The following ATP2B4 variants were observed in gnomAD, a reference collection of about 807,000 sequenced individuals.
ATP2B4 encodes ATPase plasma membrane Ca2+ transporting 4.
In ATP2B4, 39 loss-of-function variants were observed where a neutral mutation model predicts 110.3. The observed-to-expected ratio is 0.35, with a 90% CI of 0.27 to 0.46. ATP2B4 has a LOEUF of 0.46. Ranked by LOEUF, ATP2B4 falls within the 20% of genes least tolerant of loss-of-function variation. ATP2B4 has a pLI of 1.00. For missense variants in ATP2B4, 1,135 were observed against 1,530.9 expected (o/e 0.74, Z 4.32); for synonymous variants, 538 against 571.7 (o/e 0.94, Z 0.84).
chr1:203,709,479 T>A lies in ATP2B4; in HGVS notation c.1736T>A (p.Ile579Asn). ...GTGCGCAAGTCAATGAGCACCGTCA[T>A]CAGGAATCCCAACGGTGGCTTCCGT... The part of the protein sequence containing the change: ...NSVRKSMSTV[I>N]RNPNGGFRMY... The change falls in exon 11 of 21, where the codon ATC (isoleucine) becomes AAC (asparagine). Residue 579 changes from isoleucine (I) to asparagine (N), a missense_variant. Around this residue, in one of 9 missense-constraint regions of ATP2B4, gnomAD observed 368 missense variants for 455.9 expected, o/e 0.81. Transcript: ENST00000357681. 6.2e-7 allele frequency: 1 copy of A among 1,614,154 alleles called. No homozygotes were observed. The highest frequency in any genetic ancestry group is 1.1e-5 in the South Asian group (1 of 91,082).
intron 2 of ATP2B4, among the ~76,000 whole-genome samples, chr1:203,684,114 C>A (rs2102363135): frequency 6.6e-6 from 1 of 151,890 alleles, no homozygotes; most frequent in South Asian, 2.1e-4. Context: ...TAATTTAATT[C>A]TTCCCTACAC....
intron 1 of ATP2B4, among the ~76,000 whole-genome samples, chr1:203,648,468 C>T (rs1053643427): frequency 6.6e-6 from 1 of 152,110 alleles, no homozygotes; most frequent in Admixed American, 6.6e-5. Flanking sequence ...CCACTTGACA[C>T]CCCTTGGCAG....
rs1208703994 is a variant in ATP2B4, at chr1:203,710,958, C to T, written c.1881C>T (p.Ile627=). The T allele has an allele frequency of 9.3e-6, 15 of 1,613,934 alleles. No homozygotes were observed. The highest frequency in any genetic ancestry group is 2.2e-5 in the East Asian group (1 of 44,882). ...GAGATGATATGGTACGCACTGTCAT[C>T]GAGCCCATGGCCTGTGATGGACTCC... ...KDRDDMVRTV[I]EPMACDGLRT... is the part of the protein sequence containing the mutation. Residue 627 remains isoleucine, a synonymous_variant, in exon 12 of 21, where the codon ATC becomes ATT. Transcript: ENST00000357681.
intron 1 of ATP2B4, among the ~76,000 whole-genome samples, chr1:203,656,263 GC>G: frequency 6.6e-6 from 1 of 152,108 alleles, no homozygotes; most frequent in Non-Finnish European, 1.5e-5. Flanking sequence ...CTTAGCTGGA[GC>G]TGCTTAAACT....
At chr1:203,634,621 A>G (rs968995419) in intron 1 of ATP2B4, among the ~76,000 whole-genome samples, 1 of 152,230 alleles carries the variant, frequency 6.6e-6, no homozygotes, top group Non-Finnish European at 1.5e-5. Flanking sequence ...TGCTAAAACA[A>G]CATCATAGAC....
rs780656400 is a variant in ATP2B4 at position 203,683,438 on chromosome 1, G to A, written c.193+40G>A. ...AGGGGTGGGGAGTTGGAGGAAGGTG[G>A]CTAGTGTTTCAAAATATTGTTTTCC... On this transcript the variant is annotated intron_variant, in intron 2 of 20. Transcript: ENST00000357681. The A allele has an allele frequency of 2.0e-6, 3 of 1,529,044 alleles. No individual in the cohort carries two copies. In the East Asian group the frequency reaches 7.0e-5, roughly 36 times the overall value. 94.7% of individuals were successfully genotyped at this position (1,529,044 alleles called of 1,614,324 possible).
chr1:203,708,178 C>T, intron 10 of ATP2B4, 74 bp downstream of exon 10: 1 of 1,583,846 alleles, frequency 6.3e-7, no homozygotes, highest in South Asian at 1.1e-5. Flanking sequence ...GAAATGAACC[C>T]CCTTATTGTT....
At chr1:203,725,904 C>CTTTTTTTTTTTTTTTTTTTTT (rs756184004) in intron 19 of ATP2B4, among the ~76,000 whole-genome samples, 3 of 93,368 alleles carry the variant, frequency 3.2e-5, no homozygotes, top group African/African-American at 4.5e-5. Flanking sequence ...CTTTTCTTTT[C>CTTTTTTTTTTTTTTTTTTTTT]TTTTTTTTTT....
At chr1:203,670,732 A>G (rs1038816645) in intron 1 of ATP2B4, among the ~76,000 whole-genome samples, 2 of 152,148 alleles carry the variant, frequency 1.3e-5, no homozygotes, top group African/African-American at 4.8e-5. Context: ...ACTGATTTTT[A>G]TCCCAAGTTC....
At chr1:203,649,858 GC>G (rs1427094293) in intron 1 of ATP2B4, among the ~76,000 whole-genome samples, 1 of 152,124 alleles carries the variant, frequency 6.6e-6, no homozygotes, top group Non-Finnish European at 1.5e-5. Flanking sequence ...AAACTCCACA[GC>G]CCCCACTCGT....
rs1666625291 is a variant in ATP2B4 at position 203,729,470 on chromosome 1, G to A, written c.3309+1899G>A. The A allele has an allele frequency of 2.5e-5, 9 of 364,518 alleles. No individual in the cohort carries two copies. The East Asian group carries it at 5.9e-4, about 24-fold the overall frequency. The allele number at this position is 364,518 out of a possible 1,614,324, so 22.6% of individuals were successfully genotyped here. On this transcript the variant is annotated intron_variant, in intron 20 of 20. Coordinates refer to ENST00000357681, the MANE Select transcript of ATP2B4 (RefSeq NM_001684.5). ...TGAGGCAGGAGAATCGCTTGAACCC[G>A]GAAGGCTGAGGTTGCAGTGAGCTGA...
Position 203,700,740 on chromosome 1 carries a change from A to G in ATP2B4, c.776-58A>G, listed in dbSNP as rs1665666492. ...TTCTTCTAAGTTTGTGTTTCATACC[A>G]AATCATGTCTAGGTATTAAAAAACC... is the stretch of plus-strand genomic sequence containing the variant. On this transcript the variant is annotated intron_variant, in intron 5 of 20. Coordinates refer to ENST00000357681, the MANE Select transcript of ATP2B4 (RefSeq NM_001684.5). 8.7e-6 allele frequency: 14 copies of G among 1,601,066 alleles called. No individual in the cohort carries two copies. The South Asian group carries it at 1.4e-4, about 16-fold the overall frequency.
intron 20 of ATP2B4, among the ~76,000 whole-genome samples, chr1:203,729,362 T>C (rs1463447494): frequency 6.6e-6 from 1 of 151,778 alleles, no homozygotes; most frequent in Admixed American, 6.6e-5. Flanking sequence ...CTGGCCAACA[T>C]AGTGAAACCT....
At chr1:203,698,107 C>A in intron 2 of ATP2B4, 50 bp from the exon 3 acceptor site, 1 of 1,574,918 alleles carries the variant, frequency 6.3e-7, no homozygotes, top group South Asian at 1.1e-5. Flanking sequence ...TGCCTTTTAT[C>A]ATTTTCCTTT....
Position 203,727,523 on chromosome 1 carries a change from C to T in ATP2B4, c.3261C>T (p.Arg1087=), listed in dbSNP as rs150942273. ...TTGACCATGCTGAGATGGAGCTGCG[C>T]CGAGGCCAGATCCTCTGGTTCCGGG... The part of the protein sequence containing the change: ...DEIDHAEMEL[R]RGQILWFRGL... Residue 1087 remains arginine, a synonymous_variant, in exon 20 of 21, where the codon CGC becomes CGT. Coordinates refer to ENST00000357681, the MANE Select transcript of ATP2B4 (RefSeq NM_001684.5). The T allele has an allele frequency of 8.1e-6, 13 of 1,614,054 alleles. No homozygotes were observed. In the African/African-American group the frequency reaches 1.6e-4, roughly 20 times the overall value.
Position 203,739,927 on chromosome 1 carries a change from TG to T in ATP2B4, c.*76del. The T allele has an allele frequency of 6.8e-7, 1 of 1,481,192 alleles. No homozygotes were observed. The highest frequency in any genetic ancestry group is 1.3e-5 in the South Asian group (1 of 74,906). The allele number at this position is 1,481,192 out of a possible 1,614,324, so 91.8% of individuals were successfully genotyped here. A position where few individuals can be genotyped will look rare whatever the true frequency, so the allele number is the denominator to read the frequency against. On this transcript the variant is annotated 3_prime_UTR_variant, in exon 21 of 21. Coordinates refer to ENST00000357681, the MANE Select transcript of ATP2B4 (RefSeq NM_001684.5). ...GTCTATCCCATCTATGAGGTGATGA[TG>T]GGACTTTTCATTGTCACGTCAGCTG...
At chr1:203,717,162 C>A (rs971918078) in intron 15 of ATP2B4, among the ~76,000 whole-genome samples, 1 of 152,104 alleles carries the variant, frequency 6.6e-6, no homozygotes, top group Non-Finnish European at 1.5e-5. Flanking sequence ...CACGCCTCTG[C>A]ATTCCAGCCT....
In ATP2B4 at chr1:203,698,087, A is replaced by C. The variant is rs1558038762; in HGVS notation, c.194-70A>C. 2.9e-6 allele frequency: 4 copies of C among 1,379,602 alleles called. No individual in the cohort carries two copies. The South Asian group carries it at 3.6e-5, about 12-fold the overall frequency. The allele number at this position is 1,379,602 out of a possible 1,614,324, so 85.5% of individuals were successfully genotyped here. A position where few individuals can be genotyped will look rare whatever the true frequency, so the allele number is the denominator to read the frequency against. On this transcript the variant is annotated intron_variant, in intron 2 of 20. Transcript: ENST00000357681. ...AATGACATGATCATGGCTCACTGCC[A>C]CTTCAAAACTGCCTTTTATCATTTT...
At chr1:203,651,473 C>CA (rs1663991811) in intron 1 of ATP2B4, among the ~76,000 whole-genome samples, 1 of 152,186 alleles carries the variant, frequency 6.6e-6, no homozygotes, top group Non-Finnish European at 1.5e-5. Context: ...CCTTTCCTAT[C>CA]CCATCCCCCC....
Sources: allele counts gnomAD v4.1 joint callset (sites outside exome capture counted in the v4.1 genomes callset), GRCh38; gene constraint gnomAD v4.1.1; regional missense constraint gnomAD v4.1.1; transcripts MANE v1.5; gene names NCBI Gene and HGNC (gene_info 2026-07-23, HGNC 2026-07-21).